The following ANO2 variants were observed in gnomAD, a reference collection of about 807,000 sequenced individuals.
ANO2 encodes anoctamin-2.
Under a neutral mutation model 124.2 loss-of-function variants are expected in ANO2, and 101 were observed. The observed-to-expected ratio is 0.81, with a 90% CI of 0.69 to 0.96. The LOEUF is 0.96. Ranked by LOEUF, ANO2 falls within the 40% of genes least tolerant of loss-of-function variation. The pLI is 0.00. For synonymous variants in ANO2, 486 were observed against 482.5 expected (o/e 1.01, Z -0.09); for missense variants, 1,293 against 1,274.5 (o/e 1.01, Z -0.22).
chr12:5,920,066 TGG>T lies in ANO2; in HGVS notation c.534+972_534+973del, dbSNP rs1491033751. Among the ~76,000 whole-genome samples, 535 of 109,984 alleles carry T rather than the reference TGG, an allele frequency of 4.9e-3. 3 individuals are homozygous for T. Among genetic ancestry groups the T allele is most frequent in the Non-Finnish European group, 8.6e-3 (379 of 44,110 alleles). The allele number at this position is 109,984 out of a possible 152,430, so 72.2% of individuals were successfully genotyped here. A position where few individuals can be genotyped will look rare whatever the true frequency, so the allele number is the denominator to read the frequency against. On this transcript the variant is annotated intron_variant, in intron 3 of 24. Transcript: ENST00000682330. ...ATGGATGGATGGATGGATGGATGGA[TGG>T]ATGGATGGATGGATGCATGCATGCA...
In ANO2 at chr12:5,930,284, CA is replaced by C. The variant is rs1220594187; in HGVS notation, c.23-7481del. Among the ~76,000 whole-genome samples the C allele has an allele frequency of 3.3e-5, 5 of 152,298 alleles. No homozygotes were observed. In the East Asian group the frequency reaches 9.7e-4, roughly 29 times the overall value. ...ATACCTGGGAAGTTAAATGGGTCTG[CA>C]ATGAACGAACAGAGATGTGAAATAC... On this transcript the variant is annotated intron_variant, in intron 1 of 24. Coordinates refer to ENST00000682330, the MANE Select transcript of ANO2 (RefSeq NM_001364791.2).
At chr12:5,675,140 T>C (rs943958099) in intron 14 of ANO2, among the ~76,000 whole-genome samples, 2 of 152,194 alleles carry the variant, frequency 1.3e-5, no homozygotes, top group African/African-American at 4.8e-5. Flanking sequence ...ACTGAGAAGA[T>C]GGAATTTGAG....
chr12:5,924,987 G>A (rs1942014751), intron 1 of ANO2, among the ~76,000 whole-genome samples: 1 of 152,116 alleles, frequency 6.6e-6, no homozygotes, highest in Non-Finnish European at 1.5e-5. Flanking sequence ...TTCCTCCCTT[G>A]TGCCCAATCT....
At chr12:5,841,364 A>T (rs1267667656) in intron 4 of ANO2, among the ~76,000 whole-genome samples, 2 of 152,148 alleles carry the variant, frequency 1.3e-5, no homozygotes, top group Non-Finnish European at 2.9e-5. Flanking sequence ...CTCAGCAACA[A>T]CACTGAGTGT....
intron 10 of ANO2, among the ~76,000 whole-genome samples, chr12:5,785,719 C>G (rs983895861): frequency 6.6e-6 from 1 of 152,052 alleles, no homozygotes; most frequent in East Asian, 1.9e-4. Flanking sequence ...TTCCCATGCA[C>G]CACCCCTACG....
intron 10 of ANO2, among the ~76,000 whole-genome samples, chr12:5,753,479 A>C (rs1951496043): frequency 6.6e-6 from 1 of 152,144 alleles, no homozygotes; most frequent in Non-Finnish European, 1.5e-5. Flanking sequence ...CTTTCAGCTT[A>C]ATTTTTTCAT....
chr12:5,735,843 G>A (rs1950839878), intron 13 of ANO2, among the ~76,000 whole-genome samples: 1 of 152,308 alleles, frequency 6.6e-6, no homozygotes, highest in Admixed American at 6.5e-5. Flanking sequence ...GGTAGGCAGA[G>A]GATTTGGTTT....
intron 3 of ANO2, among the ~76,000 whole-genome samples, chr12:5,861,963 C>T (rs1040625387): frequency 5.3e-5 from 8 of 152,166 alleles, no homozygotes; most frequent in Admixed American, 2.0e-4. Flanking sequence ...CTGAGACAGG[C>T]CTCCCATCTG....
chr12:5,578,340 G>A, intron 21 of ANO2, 26 bp downstream of exon 21: 1 of 1,607,814 alleles, frequency 6.2e-7, no homozygotes, highest in Non-Finnish European at 8.5e-7. Flanking sequence ...GATGGGCCTG[G>A]TGGGGCCTCT....
intron 14 of ANO2, among the ~76,000 whole-genome samples, chr12:5,672,867 T>C (rs1948078789): frequency 6.6e-6 from 1 of 152,228 alleles, no homozygotes; most frequent in South Asian, 2.1e-4. Context: ...CACGACTTTC[T>C]TTTTGTTTGG....
rs77974341 is a variant in ANO2 at position 5,900,619 on chromosome 12, G to T, written c.534+20421C>A. On this transcript the variant is annotated intron_variant, in intron 3 of 24. Coordinates refer to ENST00000682330, the MANE Select transcript of ANO2 (RefSeq NM_001364791.2). The surrounding 1 kb of genome is among the most constrained non-coding windows in gnomAD (Gnocchi z 4.2). ...AACTCTCCCTTTAAAAAAAAAACATGGGGGAGCATTTGCTCTACCTCCGCA... is the reference window on the plus strand; with the variant it reads ...AACTCTCCCTTTAAAAAAAAAACATTGGGGAGCATTTGCTCTACCTCCGCA... Among the ~76,000 whole-genome samples, 2 of 150,088 alleles carry T rather than the reference G, an allele frequency of 1.3e-5. No individual in the cohort carries two copies. Among genetic ancestry groups the T allele is most frequent in the Admixed American group, 1.3e-4 (2 of 15,108 alleles).
At chr12:5,771,567 G>GT in intron 10 of ANO2, among the ~76,000 whole-genome samples, 1 of 152,068 alleles carries the variant, frequency 6.6e-6, no homozygotes, top group African/African-American at 2.4e-5. Flanking sequence ...ATCACTTGAG[G>GT]TCAAGATTTC....
chr12:5,714,857 A>T (rs558424525), intron 14 of ANO2, among the ~76,000 whole-genome samples: 2 of 152,224 alleles, frequency 1.3e-5, no homozygotes, highest in African/African-American at 4.8e-5. Context: ...CATAAAACAC[A>T]TTCCAAATTC....
At chr12:5,840,892 A>G (rs1224104334) in intron 4 of ANO2, among the ~76,000 whole-genome samples, 1 of 152,176 alleles carries the variant, frequency 6.6e-6, no homozygotes, top group Non-Finnish European at 1.5e-5. Context: ...CTTGAGAGGT[A>G]GGGCTGGGCT....
At chr12:5,871,875 G>A (rs1413950356) in intron 3 of ANO2, among the ~76,000 whole-genome samples, 2 of 152,174 alleles carry the variant, frequency 1.3e-5, no homozygotes, top group African/African-American at 4.8e-5. Context: ...CCCAGAAAGA[G>A]ACCCTCTGTG....
intron 14 of ANO2, among the ~76,000 whole-genome samples, chr12:5,699,398 A>G (rs1351692563): frequency 6.6e-6 from 1 of 152,176 alleles, no homozygotes; most frequent in African/African-American, 2.4e-5. Context: ...ATGCTGAGAG[A>G]TTTTGTCACC....
intron 3 of ANO2, among the ~76,000 whole-genome samples, chr12:5,860,912 T>C (rs1158454857): frequency 2.6e-5 from 4 of 152,138 alleles, no homozygotes; most frequent in African/African-American, 7.2e-5. Flanking sequence ...AGGAGAAGAA[T>C]CAGGAATACT....
chr12:5,741,382 T>C (rs989998223), intron 12 of ANO2, among the ~76,000 whole-genome samples: 1 of 152,224 alleles, frequency 6.6e-6, no homozygotes, highest in East Asian at 1.9e-4. Context: ...TACACTGATT[T>C]GCATGTTTTT....
rs958544304 is a variant in ANO2, at chr12:5,925,547, C to A, written c.23-2743G>T. 1.3e-5 allele frequency among the ~76,000 whole-genome samples: 2 copies of A among 152,270 alleles called. No individual in the cohort carries two copies. The highest frequency in any genetic ancestry group is 2.9e-5 in the Non-Finnish European group (2 of 68,018). ...GACGTGAGAGGAAGGCCAAGGGGAA[C>A]GCGAGTGACGCCTGCCCTCAGGAAG... On this transcript the variant is annotated intron_variant, in intron 1 of 24. Coordinates refer to ENST00000682330, the MANE Select transcript of ANO2 (RefSeq NM_001364791.2). The surrounding 1 kb of genome is among the most constrained non-coding windows in gnomAD (Gnocchi z 4.6).
Sources: gnomAD v4.1 joint callset for allele counts (sites outside exome capture counted in the v4.1 genomes callset) on GRCh38, gnomAD v4.1.1 for gene constraint, Gnocchi (gnomAD v3.1) non-coding constraint, MANE v1.5 for transcripts, NCBI Gene and HGNC (gene_info 2026-07-23, HGNC 2026-07-21) for gene names.